The following ZFR2 variants were observed in gnomAD, a reference collection of about 807,000 sequenced individuals.
ZFR2 encodes the protein zinc finger RNA-binding protein 2.
In ZFR2, 104 loss-of-function variants were observed where a neutral mutation model predicts 105.7. The observed-to-expected ratio is 0.98, with a 90% confidence interval of 0.84 to 1.16. The LOEUF is 1.16. Ranked by LOEUF, ZFR2 falls within the 50% of genes most tolerant of loss-of-function variation. The probability of loss-of-function intolerance (pLI) is 0.00; values close to 1 mark genes in which losing one functional copy is unlikely to be tolerated. For missense variants in ZFR2, 1,425 were observed against 1,355.5 expected (o/e 1.05, Z -0.80); for synonymous variants, 634 against 597.7 (o/e 1.06, Z -0.89).
intron 1 of ZFR2, among the ~76,000 whole-genome samples, chr19:3,847,535 A>G (rs138626170): frequency 3.3e-5 from 5 of 152,208 alleles, no homozygotes; most frequent in African/African-American, 1.2e-4. Flanking sequence ...AAAGAAAAAA[A>G]AAAGTATTTT....
Position 3,861,029 on chromosome 19 carries a change from G to A in ZFR2, c.53+7936C>T, listed in dbSNP as rs376973249. Reference sequence around the variant, plus strand: ...TTTATACATCCATGGCAAGGGCCTGGGGACATTACAGGTCACTCTGCTCCC... The same window carrying A: ...TTTATACATCCATGGCAAGGGCCTGAGGACATTACAGGTCACTCTGCTCCC... On this transcript the variant is annotated intron_variant, in intron 1 of 18. Coordinates refer to ENST00000262961, the MANE Select transcript of ZFR2 (RefSeq NM_015174.2). Among the ~76,000 whole-genome samples the A allele has an allele frequency of 2.7e-3, 411 of 152,198 alleles. 5 individuals carry two copies. The highest frequency in any genetic ancestry group is 9.2e-3 in the African/African-American group (380 of 41,512).
intron 1 of ZFR2, among the ~76,000 whole-genome samples, chr19:3,840,533 G>A (rs1011129449): frequency 6.7e-5 from 10 of 150,116 alleles, no homozygotes; most frequent in Non-Finnish European, 1.3e-4. Context: ...CACTGTGCCT[G>A]GCCTGATTGT....
In ZFR2 at chr19:3,805,986, T is replaced by C. The variant is rs2037691656; in HGVS notation, c.2783A>G (p.Lys928Arg). The C allele has an allele frequency of 4.5e-6, 7 of 1,543,852 alleles. No homozygotes were observed. Among genetic ancestry groups the C allele is most frequent in the Non-Finnish European group, 6.1e-6 (7 of 1,147,100 alleles). Reference sequence around the variant, plus strand: ...CTCTCCGCCCCGCCGGCCCCGCTTCTTCTCCCCTGCGCCCTCCTCTCCCTC... The same window carrying C: ...CTCTCCGCCCCGCCGGCCCCGCTTCCTCTCCCCTGCGCCCTCCTCTCCCTC... Reference protein sequence around the residue: ...PGEGEEGAGEKKRGRRGGEGL... With the variant: ...PGEGEEGAGERKRGRRGGEGL... Residue 928 changes from lysine to arginine, a missense_variant, in exon 19 of 19, where the codon AAG becomes AGG. Lys to Arg is a conservative substitution (Grantham distance 26). Transcript: ENST00000262961.
intron 4 of ZFR2, 50 bp downstream of exon 4, chr19:3,831,610 G>A (rs775448312): frequency 6.5e-7 from 1 of 1,528,480 alleles, no homozygotes; most frequent in South Asian, 1.3e-5. Context: ...CCACTGAGTT[G>A]AAGTGGGGAC....
intron 14 of ZFR2, among the ~76,000 whole-genome samples, chr19:3,812,858 C>T (rs376742867): frequency 6.6e-5 from 10 of 152,290 alleles, no homozygotes; most frequent in African/African-American, 2.4e-4. Context: ...GTGGGTGGAT[C>T]ACCTGAAGTC....
At position 3,823,442 on chromosome 19, in the gene ZFR2, G is replaced by T. The variant is rs762052594; in HGVS notation, c.1214-39C>A. On this transcript the variant is annotated intron_variant, in intron 7 of 18. Coordinates refer to ENST00000262961, the MANE Select transcript of ZFR2 (RefSeq NM_015174.2). This position sits in a 1 kb window ranked among gnomAD's most constrained non-coding sequence, Gnocchi z 5.4. ...CCATGTCACTTATACCCTGTTCCAG[G>T]AGAAAGCACTGCAGCTGCAGACCCG... The T allele has an allele frequency of 1.3e-6, 2 of 1,542,668 alleles. No individual in the cohort carries two copies. The highest frequency in any genetic ancestry group is 1.7e-6 in the Non-Finnish European group (2 of 1,145,772).
chr19:3,811,128 T>G (rs1385107551), intron 15 of ZFR2, 144 bp downstream of exon 15: 1 of 849,942 alleles, frequency 1.2e-6, no homozygotes, highest in Non-Finnish European at 1.7e-6. Context: ...AAGTCAGCAC[T>G]CGGCCAGGAA....
chr19:3,837,347 C>T lies in ZFR2; in HGVS notation c.54-2364G>A, dbSNP rs905515326. On this transcript the variant is annotated intron_variant, in intron 1 of 18. Coordinates refer to ENST00000262961, the MANE Select transcript of ZFR2 (RefSeq NM_015174.2). Reference sequence around the variant, plus strand: ...TGATGGACACCATGACACAGACACCCGATGAACACCATGACCATGACACTC... The same window carrying T: ...TGATGGACACCATGACACAGACACCTGATGAACACCATGACCATGACACTC... 8.5e-5 allele frequency among the ~76,000 whole-genome samples: 13 copies of T among 152,116 alleles called. No individual in the cohort carries two copies. The East Asian group carries it at 1.7e-3, about 20-fold the overall frequency.
chr19:3,831,529 G>C lies in ZFR2; in HGVS notation c.626C>G (p.Ser209Trp), dbSNP rs765028168. ...GAAAGGGCTGGCAGCGGAGTACACC[G>C]ACGCGTCATAGTTCGGGTAGCTTGG... Reference protein sequence around the residue: ...TAPSYPNYDASVYSAASPFYP... With the variant: ...TAPSYPNYDAWVYSAASPFYP... Residue 209 changes from serine (S) to tryptophan (W), a missense_variant, in exon 5 of 19, where the codon TCG becomes TGG. Coordinates refer to ENST00000262961, the MANE Select transcript of ZFR2 (RefSeq NM_015174.2). 4 of 1,560,076 alleles carry C rather than the reference G, an allele frequency of 2.6e-6. No homozygotes were observed. The South Asian group carries it at 4.7e-5, about 18-fold the overall frequency.
At chr19:3,821,256 A>G (rs2037888741) in intron 10 of ZFR2, 84 bp downstream of exon 10, 1 of 1,404,086 alleles carries the variant, frequency 7.1e-7, no homozygotes, top group African/African-American at 1.5e-5. Flanking sequence ...GGAGCTCCGT[A>G]ATCTGCAGCA....
At chr19:3,818,267 A>G (rs571973415) in intron 12 of ZFR2, among the ~76,000 whole-genome samples, 1 of 152,196 alleles carries the variant, frequency 6.6e-6, no homozygotes, top group African/African-American at 2.4e-5. Flanking sequence ...GGAGTTCAAG[A>G]CCAGCCTGGC....
At chr19:3,808,614 A>T (rs1484855760) in intron 17 of ZFR2, among the ~76,000 whole-genome samples, 2 of 152,270 alleles carry the variant, frequency 1.3e-5, no homozygotes, top group South Asian at 4.1e-4. Flanking sequence ...AGAGAACATA[A>T]CTGTTGTCTC....
intron 1 of ZFR2, among the ~76,000 whole-genome samples, chr19:3,864,123 G>A (rs1238869967): frequency 1.3e-5 from 2 of 152,136 alleles, no homozygotes; most frequent in Non-Finnish European, 2.9e-5. Flanking sequence ...GGGAGGAAGT[G>A]CCTGTAATCC....
chr19:3,832,002 A>T (rs1463708722), intron 3 of ZFR2, 124 bp from the exon 4 acceptor site: 1 of 788,742 alleles, frequency 1.3e-6, no homozygotes, highest in Non-Finnish European at 1.8e-6. Context: ...CAGAGGCCAG[A>T]GCCTTGGGCC....
At chr19:3,854,732 GA>G (rs573583769) in intron 1 of ZFR2, among the ~76,000 whole-genome samples, 130 of 152,264 alleles carry the variant, frequency 8.5e-4, no homozygotes, top group Non-Finnish European at 1.6e-3. Flanking sequence ...GAGTTGGGCA[GA>G]AAACAAGAGT....
At chr19:3,827,689 T>G (rs777741319) in intron 5 of ZFR2, 36 bp from the exon 6 acceptor site, 194 of 1,556,378 alleles carry the variant, frequency 1.2e-4, no homozygotes, top group Non-Finnish European at 1.5e-4. Flanking sequence ...TGGGCGGGGG[T>G]TTGCACACTG....
At chr19:3,835,997 G>T (rs532183839) in intron 1 of ZFR2, among the ~76,000 whole-genome samples, 10 of 152,116 alleles carry the variant, frequency 6.6e-5, no homozygotes, top group Admixed American at 4.6e-4. Context: ...CTCACTATCT[G>T]CAAGGGTTGA....
intron 1 of ZFR2, 101 bp downstream of exon 1, chr19:3,868,864 G>C (rs1477327273): frequency 9.9e-7 from 1 of 1,009,474 alleles, no homozygotes; most frequent in Non-Finnish European, 1.3e-6. Context: ...GGCTGGGACT[G>C]GGGCCGGGCC....
chr19:3,832,707 A>C (rs2038032533), intron 3 of ZFR2, among the ~76,000 whole-genome samples: 1 of 151,436 alleles, frequency 6.6e-6, no homozygotes, highest in African/African-American at 2.4e-5. Context: ...GTGCGATCAC[A>C]GCTCACTGCA....
Sources: gnomAD v4.1 joint callset for allele counts (sites outside exome capture counted in the v4.1 genomes callset) on GRCh38, gnomAD v4.1.1 for gene constraint, Gnocchi (gnomAD v3.1) non-coding constraint, MANE v1.5 for transcripts, NCBI Gene and HGNC (gene_info 2026-07-23, HGNC 2026-07-21) for gene names.